Variants in FGF12 observed in about 807,000 individuals in gnomAD.
FGF12 encodes fibroblast growth factor 12B.
A neutral mutation model predicts 23.6 loss-of-function variants in FGF12; 14 were observed. That is an observed-to-expected ratio of 0.59 (90% CI 0.39 to 0.93). The LOEUF is 0.93. FGF12 is among the 40% of genes least tolerant of loss of function. FGF12 has a pLI of 0.00. For missense variants in FGF12, 175 were observed against 217.8 expected, an observed-to-expected ratio of 0.80 and a Z score of 1.24; for synonymous variants, 62 against 77.3, an observed-to-expected ratio of 0.80 and a Z score of 1.04.
At chr3:192,586,259 A>G (rs1434053007) in intron 2 of FGF12, among the ~76,000 whole-genome samples, 1 of 152,208 alleles carries the variant, frequency 6.6e-6, no homozygotes, top group Non-Finnish European at 1.5e-5. Context: ...ATACTGAAGC[A>G]GACAGTATAT....
At chr3:192,525,769 C>T (rs949267440) in intron 2 of FGF12, among the ~76,000 whole-genome samples, 2 of 152,016 alleles carry the variant, frequency 1.3e-5, no homozygotes, top group African/African-American at 4.8e-5. Context: ...TGAGTCTCAC[C>T]GTTTTTTTCT....
intron 2 of FGF12, among the ~76,000 whole-genome samples, chr3:192,702,193 A>C (rs940513319): frequency 1.3e-5 from 2 of 152,226 alleles, no homozygotes; most frequent in African/African-American, 4.8e-5. Context: ...CACAAATGTC[A>C]GGCTCTCCTT....
At chr3:192,446,983 T>C (rs1722373451) in intron 2 of FGF12, among the ~76,000 whole-genome samples, 1 of 152,238 alleles carries the variant, frequency 6.6e-6, no homozygotes, top group African/African-American at 2.4e-5. Context: ...AACAAAACTT[T>C]AGCAGCAATA....
intron 2 of FGF12, among the ~76,000 whole-genome samples, chr3:192,715,287 C>T (rs934657545): frequency 6.6e-6 from 1 of 152,194 alleles, no homozygotes; most frequent in African/African-American, 2.4e-5. Context: ...TCATCATCTA[C>T]TGTGTCCTGT....
chr3:192,418,799 C>T (rs1230828215), intron 2 of FGF12, among the ~76,000 whole-genome samples: 2 of 152,152 alleles, frequency 1.3e-5, no homozygotes, highest in African/African-American at 4.8e-5. Flanking sequence ...TCTTAAGTTT[C>T]CAGAGGTCTC....
intron 2 of FGF12, among the ~76,000 whole-genome samples, chr3:192,541,736 A>G (rs1056443181): frequency 1.3e-5 from 2 of 151,812 alleles, no homozygotes; most frequent in Admixed American, 6.6e-5. Context: ...CCTTAGTTTT[A>G]TTTGTCTGGG....
intron 4 of FGF12, among the ~76,000 whole-genome samples, chr3:192,203,522 C>T (rs1717484947): frequency 6.7e-6 from 1 of 149,608 alleles, no homozygotes. Flanking sequence ...TTAGGTGTCT[C>T]TAATAAATGA....
intron 2 of FGF12, among the ~76,000 whole-genome samples, chr3:192,699,001 T>C (rs1317437083): frequency 6.6e-6 from 1 of 152,224 alleles, no homozygotes; most frequent in African/African-American, 2.4e-5. Context: ...TTATATGTCA[T>C]GAAAGAGTTG....
intron 4 of FGF12, among the ~76,000 whole-genome samples, chr3:192,197,526 T>C (rs1421064085): frequency 6.6e-6 from 1 of 152,232 alleles, no homozygotes; most frequent in Non-Finnish European, 1.5e-5. Context: ...TAAGTCCCTC[T>C]GCATTTGAAA....
chr3:192,543,071 G>C (rs1725411036), intron 2 of FGF12, among the ~76,000 whole-genome samples: 1 of 152,094 alleles, frequency 6.6e-6, no homozygotes, highest in South Asian at 2.1e-4. Context: ...AGCCACTCTG[G>C]CTTTTGTCCT....
chr3:192,586,355 G>C (rs965096286), intron 2 of FGF12, among the ~76,000 whole-genome samples: 1 of 152,124 alleles, frequency 6.6e-6, no homozygotes, highest in African/African-American at 2.4e-5. Flanking sequence ...GGAAATTTAC[G>C]CAAGTTAATT....
chr3:192,520,883 A>T (rs999452776), intron 2 of FGF12, among the ~76,000 whole-genome samples: 11 of 151,978 alleles, frequency 7.2e-5, no homozygotes, highest in African/African-American at 2.7e-4. Context: ...TGGTCTTTTG[A>T]TTGTTTCCAG....
chr3:192,140,308 T>C lies in FGF12; in HGVS notation c.*3701A>G, dbSNP rs1234220502. The C allele has an allele frequency of 6.6e-6, 1 of 152,036 alleles. No individual in the cohort carries two copies. Among genetic ancestry groups the C allele is most frequent in the Non-Finnish European group, 1.5e-5 (1 of 67,926 alleles). 9.4% of individuals were successfully genotyped at this position (152,036 alleles called of 1,614,324 possible). On this transcript the variant is annotated 3_prime_UTR_variant, in exon 6 of 6. Coordinates refer to ENST00000445105, the MANE Select transcript of FGF12 (RefSeq NM_004113.6). ...ATGACAGAGAAATAACCTCAGCCTT[T>C]TATGGTATTAAAATGAGCAGGGAAT...
At position 192,409,644 on chromosome 3, in the gene FGF12, G is replaced by A. The variant is rs1005597117; in HGVS notation, c.14-49106C>T. Among the ~76,000 whole-genome samples the A allele has an allele frequency of 4.6e-5, 7 of 152,206 alleles. No homozygotes were observed. The highest frequency in any genetic ancestry group is 1.7e-4 in the African/African-American group (7 of 41,464). Reference sequence around the variant, plus strand: ...CGCGCGTCCGCTCGGGTGGGGCGGGGGCTGGCTGCAGGCGATGTTGGCTCG... The same window carrying A: ...CGCGCGTCCGCTCGGGTGGGGCGGGAGCTGGCTGCAGGCGATGTTGGCTCG... On this transcript the variant is annotated intron_variant, in intron 2 of 5. Coordinates refer to ENST00000445105, the MANE Select transcript of FGF12 (RefSeq NM_004113.6). This position sits in a 1 kb window ranked among gnomAD's most constrained non-coding sequence, Gnocchi z 4.8.
intron 2 of FGF12, among the ~76,000 whole-genome samples, chr3:192,684,116 T>C (rs368463025): frequency 5.9e-5 from 9 of 152,280 alleles, no homozygotes; most frequent in East Asian, 3.9e-4. Flanking sequence ...CCAAAGGTTA[T>C]GAATCGGTAG....
In FGF12 at chr3:192,218,152, G is replaced by A. The variant is rs76081268; in HGVS notation, c.229-47496C>T. The stretch of plus-strand genomic sequence containing the variant: ...CTGGCCCTTCTTGTCACTTTTCTAC[G>A]TCAGGAAATCACGTTCTATTAATGG... On this transcript the variant is annotated intron_variant, in intron 4 of 5. Coordinates refer to ENST00000445105, the MANE Select transcript of FGF12 (RefSeq NM_004113.6). 1.8e-4 allele frequency among the ~76,000 whole-genome samples: 28 copies of A among 152,200 alleles called. No homozygotes were observed. In the East Asian group the frequency reaches 3.5e-3, roughly 19 times the overall value.
chr3:192,464,702 C>T lies in FGF12; in HGVS notation c.14-104164G>A, dbSNP rs1399487785. 3.3e-5 allele frequency among the ~76,000 whole-genome samples: 5 copies of T among 152,076 alleles called. 1 individual carries two copies. Among genetic ancestry groups the T allele is most frequent in the East Asian group, 3.8e-4 (2 of 5,200 alleles). ...ATACCTAGTAGCAGGATTGCTGGAC[C>T]GAATGGCAGAAGTTTCCTTTGGGAG... On this transcript the variant is annotated intron_variant, in intron 2 of 5. Coordinates refer to ENST00000445105, the MANE Select transcript of FGF12 (RefSeq NM_004113.6).
At chr3:192,481,290 T>C (rs1723472250) in intron 2 of FGF12, among the ~76,000 whole-genome samples, 1 of 151,902 alleles carries the variant, frequency 6.6e-6, no homozygotes, top group Non-Finnish European at 1.5e-5. Context: ...AGAGCATAAA[T>C]AGCTTGGATG....
chr3:192,639,715 T>C (rs1715718954), intron 2 of FGF12, among the ~76,000 whole-genome samples: 1 of 152,226 alleles, frequency 6.6e-6, no homozygotes, highest in African/African-American at 2.4e-5. Flanking sequence ...TTATTCCCTA[T>C]ATAATGCAGA....
Sources: allele counts gnomAD v4.1 joint callset (sites outside exome capture counted in the v4.1 genomes callset), GRCh38; gene constraint gnomAD v4.1.1; non-coding constraint Gnocchi (gnomAD v3.1); transcripts MANE v1.5; gene names NCBI Gene and HGNC (gene_info 2026-07-23, HGNC 2026-07-21).